Variants in STXBP6 observed in about 807,000 individuals in gnomAD.
STXBP6 encodes the protein syntaxin binding protein 6, also known as syntaxin-binding protein 6.
STXBP6 carries 21 observed loss-of-function variants against 26.9 expected under a neutral mutation model. The observed-to-expected ratio is 0.78, with a 90% CI of 0.55 to 1.12. STXBP6 has a LOEUF of 1.12. Among genes scored for constraint, STXBP6 ranks in the 50% most tolerant of loss-of-function variants. The probability of loss-of-function intolerance (pLI) is 0.00; values close to 1 mark genes in which losing one functional copy is unlikely to be tolerated. For synonymous variants in STXBP6, 97 were observed against 92.6 expected (o/e 1.05, Z -0.27); for missense variants, 232 against 257.9 (o/e 0.90, Z 0.69).
intron 1 of STXBP6, among the ~76,000 whole-genome samples, chr14:25,030,748 T>C (rs1022508798): frequency 7.9e-5 from 12 of 152,178 alleles, no homozygotes; most frequent in African/African-American, 1.9e-4. Flanking sequence ...ATCCTCATGC[T>C]TTCTGAAATT....
intron 2 of STXBP6, among the ~76,000 whole-genome samples, chr14:24,901,429 T>C (rs1217154754): frequency 2.0e-5 from 3 of 152,160 alleles, no homozygotes; most frequent in African/African-American, 7.2e-5. Flanking sequence ...AAGCACAGTG[T>C]AAAATATTAC....
In STXBP6 at chr14:24,811,778, A is replaced by C. The variant is rs2067830749; in HGVS notation, c.*931T>G. ...TGAAGGTGTCTCTAAAATAGGCATG[A>C]CTGTAAAAAGACAAGACAAACATTT... On this transcript the variant is annotated 3_prime_UTR_variant, in exon 6 of 6. Transcript: ENST00000323944. 6.6e-6 allele frequency: 1 copy of C among 152,192 alleles called. No individual in the cohort carries two copies. The highest frequency in any genetic ancestry group is 1.5e-5 in the Non-Finnish European group (1 of 68,028). The allele number at this position is 152,192 out of a possible 1,614,324, so 9.4% of individuals were successfully genotyped here.
At position 25,012,216 on chromosome 14, in the gene STXBP6, A is replaced by T. The variant is rs1331184841; in HGVS notation, c.-32-37366T>A. Among the ~76,000 whole-genome samples the T allele has an allele frequency of 2.6e-5, 4 of 152,248 alleles. No homozygotes were observed. In the South Asian group the frequency reaches 8.3e-4, roughly 31 times the overall value. On this transcript the variant is annotated intron_variant, in intron 1 of 5. Transcript: ENST00000323944. ...TTATATGTATGTAGCATGAAACATA[A>T]AAGATGAGCCTAGAATAGTAGTTCT...
chr14:24,958,021 A>T (rs2073398600), intron 2 of STXBP6, among the ~76,000 whole-genome samples: 1 of 152,156 alleles, frequency 6.6e-6, no homozygotes, highest in Admixed American at 6.6e-5. Flanking sequence ...GATATGGTAT[A>T]TCTGACTTCC....
At chr14:24,955,383 C>T (rs2073308025) in intron 2 of STXBP6, among the ~76,000 whole-genome samples, 1 of 152,196 alleles carries the variant, frequency 6.6e-6, no homozygotes, top group South Asian at 2.1e-4. Flanking sequence ...AGCCAACTAA[C>T]CTGCTGCAGC....
At chr14:24,855,824 A>T in intron 4 of STXBP6, 112 bp downstream of exon 4, 3 of 1,017,112 alleles carry the variant, frequency 2.9e-6, no homozygotes, top group African/African-American at 1.6e-5. Flanking sequence ...CTCTGAGCAT[A>T]TTGATTCTTC....
At chr14:25,016,577 G>A (rs1421726326) in intron 1 of STXBP6, among the ~76,000 whole-genome samples, 3 of 152,068 alleles carry the variant, frequency 2.0e-5, no homozygotes, top group Non-Finnish European at 2.9e-5. Context: ...CAAAAAGATC[G>A]TAAGAAATTC....
intron 2 of STXBP6, among the ~76,000 whole-genome samples, chr14:24,866,369 T>C (rs1007664092): frequency 6.6e-5 from 10 of 152,272 alleles, no homozygotes; most frequent in African/African-American, 2.4e-4. Context: ...TGGGTGTATA[T>C]ATATGTGCAT....
chr14:24,882,626 G>C (rs997105289), intron 2 of STXBP6, among the ~76,000 whole-genome samples: 1 of 151,842 alleles, frequency 6.6e-6, no homozygotes, highest in Non-Finnish European at 1.5e-5. Context: ...TGCCTCCCTG[G>C]GGCTTTATTT....
intron 1 of STXBP6, among the ~76,000 whole-genome samples, chr14:24,977,102 G>A (rs1330435156): frequency 2.6e-5 from 4 of 151,246 alleles, no homozygotes; most frequent in Non-Finnish European, 5.9e-5. Context: ...GATCTCAAGT[G>A]ATGCACCCGC....
At chr14:24,970,197 C>T (rs1345888717) in intron 2 of STXBP6, among the ~76,000 whole-genome samples, 3 of 151,610 alleles carry the variant, frequency 2.0e-5, no homozygotes, top group South Asian at 4.2e-4. Flanking sequence ...GCTGAGATCA[C>T]GCCACTGCAC....
intron 4 of STXBP6, among the ~76,000 whole-genome samples, chr14:24,855,145 A>G (rs1481932048): frequency 6.6e-6 from 1 of 152,076 alleles, no homozygotes; most frequent in Non-Finnish European, 1.5e-5. Flanking sequence ...TGAAACATAT[A>G]TACAGCCCAA....
chr14:24,826,772 C>T (rs1054274585), intron 4 of STXBP6, among the ~76,000 whole-genome samples: 2 of 152,184 alleles, frequency 1.3e-5, no homozygotes, highest in African/African-American at 2.4e-5. Context: ...CATTCCCTTC[C>T]TGATTAGAGA....
At chr14:25,027,518 T>C (rs1173918785) in intron 1 of STXBP6, among the ~76,000 whole-genome samples, 1 of 152,134 alleles carries the variant, frequency 6.6e-6, no homozygotes, top group East Asian at 1.9e-4. Context: ...TATCAATAAA[T>C]GTATGTATTC....
At chr14:24,835,592 T>C (rs1209312432) in intron 4 of STXBP6, among the ~76,000 whole-genome samples, 2 of 152,138 alleles carry the variant, frequency 1.3e-5, no homozygotes, top group African/African-American at 4.8e-5. Context: ...TAAACATAGA[T>C]CATCTAATTT....
chr14:24,836,368 G>A (rs948722342), intron 4 of STXBP6, among the ~76,000 whole-genome samples: 2 of 152,094 alleles, frequency 1.3e-5, no homozygotes, highest in Admixed American at 6.5e-5. Flanking sequence ...AGGTCGAGGC[G>A]AGCGGACCAC....
At chr14:24,859,470 G>GCA (rs1021691443) in intron 2 of STXBP6, among the ~76,000 whole-genome samples, 5 of 151,768 alleles carry the variant, frequency 3.3e-5, no homozygotes, top group African/African-American at 9.7e-5. Flanking sequence ...CAAAACACTT[G>GCA]CACACACACA....
intron 2 of STXBP6, among the ~76,000 whole-genome samples, chr14:24,898,729 T>C (rs931553703): frequency 6.6e-6 from 1 of 152,118 alleles, no homozygotes; most frequent in Non-Finnish European, 1.5e-5. Context: ...TAGGTTTGAG[T>C]GCTGTCAGCC....
At chr14:24,991,716 A>T (rs2140289047) in intron 1 of STXBP6, among the ~76,000 whole-genome samples, 1 of 152,372 alleles carries the variant, frequency 6.6e-6, no homozygotes. Context: ...TCATCTAACA[A>T]AAGAAAGAAA....
Sources: gnomAD v4.1 joint callset for allele counts (sites outside exome capture counted in the v4.1 genomes callset) on GRCh38, gnomAD v4.1.1 for gene constraint, MANE v1.5 for transcripts, NCBI Gene and HGNC (gene_info 2026-07-23, HGNC 2026-07-21) for gene names.